The following C1QTNF9B variants were observed in gnomAD, a reference collection of about 807,000 sequenced individuals.
C1QTNF9B encodes the protein C1q and TNF related 9B.
Under a neutral mutation model 10.1 loss-of-function variants are expected in C1QTNF9B, and 9 were observed. That is an observed-to-expected ratio of 0.89 (90% confidence interval 0.53 to 1.55). The LOEUF is 1.55. C1QTNF9B is among the 40% of genes most tolerant of loss of function. The pLI is 0.00. For synonymous variants in C1QTNF9B, 79 were observed against 159.9 expected (o/e 0.49, Z 3.82); for missense variants, 196 against 414.4 (o/e 0.47, Z 4.58).
chr13:23,894,322 C>T (rs1872122201), intron 1 of C1QTNF9B, 121 bp from the exon 4 acceptor site: 1 of 938,736 alleles, frequency 1.1e-6, no homozygotes, highest in Admixed American at 2.0e-5. Flanking sequence ...GACGGGCACT[C>T]TGTCCTCCAC....
chr13:23,892,518 G>A (rs1872045977), intron 2 of C1QTNF9B, among the ~76,000 whole-genome samples: 1 of 152,186 alleles, frequency 6.6e-6, no homozygotes, highest in Non-Finnish European at 1.5e-5. Context: ...AACCAGGTGC[G>A]GTGGCACACA....
chr13:23,893,296 A>G (rs531403300), intron 2 of C1QTNF9B, among the ~76,000 whole-genome samples: 3 of 152,280 alleles, frequency 2.0e-5, no homozygotes, highest in African/African-American at 7.2e-5. Context: ...CCCATCAGGG[A>G]CCAGTTCTAG....
chr13:23,892,441 G>A (rs947797697), intron 2 of C1QTNF9B, among the ~76,000 whole-genome samples: 3 of 152,214 alleles, frequency 2.0e-5, no homozygotes, highest in African/African-American at 7.2e-5. Flanking sequence ...GACTACTTGA[G>A]TCCAGGAATT....
At chr13:23,892,947 C>T (rs1034784367) in intron 2 of C1QTNF9B, among the ~76,000 whole-genome samples, 16 of 152,160 alleles carry the variant, frequency 1.1e-4, no homozygotes, top group African/African-American at 3.9e-4. Context: ...AAGCCTGCAT[C>T]GAGGCATTGC....
chr13:23,891,218 A>C lies in C1QTNF9B; in HGVS notation c.*71T>G, dbSNP rs192347799. ...AATAATTGGAGGAATTAATAAAGTA[A>C]AACCATCTGAATAAGTTCATCCCAA... On this transcript the variant is annotated 3_prime_UTR_variant, in exon 3 of 3. Transcript: ENST00000382137. 3.0e-3 allele frequency: 3,982 copies of C among 1,321,734 alleles called. 229 individuals are homozygous for C. The highest frequency in any genetic ancestry group is 3.8e-3 in the Non-Finnish European group (3,777 of 983,370). 81.9% of individuals were successfully genotyped at this position (1,321,734 alleles called of 1,614,324 possible).
chr13:23,893,421 A>G (rs1382039940), intron 2 of C1QTNF9B, among the ~76,000 whole-genome samples: 3 of 152,110 alleles, frequency 2.0e-5, no homozygotes, highest in African/African-American at 7.2e-5. Flanking sequence ...CACAGGCCAA[A>G]TTCAGCCTCC....
At position 23,893,937 on chromosome 13, in the gene C1QTNF9B, A is replaced by G. The variant is rs564618811; in HGVS notation, c.229+202T>C. Among the ~76,000 whole-genome samples the G allele has an allele frequency of 2.0e-5, 3 of 152,328 alleles. No homozygotes were observed. The South Asian group carries it at 6.2e-4, about 32-fold the overall frequency. On this transcript the variant is annotated intron_variant, in intron 2 of 2. Transcript: ENST00000382137. ...TACAAGGGGAAGTTGAGTAGTGGTG[A>G]CAGATCTGTGTGGAGTTGAGAATAT... is the stretch of plus-strand genomic sequence containing the variant.
chr13:23,894,718 A>G, intron 1 of C1QTNF9B: 1 of 443,426 alleles, frequency 2.3e-6, no homozygotes, highest in South Asian at 1.6e-5. Flanking sequence ...GGATCCCTCT[A>G]GTGCCTTACA....
chr13:23,896,892 C>T, exon 1 of C1QTNF9B: 1 of 1,614,026 alleles, frequency 6.2e-7, no homozygotes. Context: ...ACCGGGGTTC[C>T]CAGGGATTCC....
At chr13:23,897,093 A>G (rs9510930), upstream of C1QTNF9B, 526,670 of 1,492,924 alleles carry the variant, frequency 0.35, 83,290 homozygotes, top group East Asian at 0.48. Context: ...TGGGAAATGG[A>G]TGAGCTGTCC....
intron 2 of C1QTNF9B, among the ~76,000 whole-genome samples, chr13:23,893,576 G>C (rs562806334): frequency 2.0e-5 from 3 of 152,280 alleles, no homozygotes; most frequent in Middle Eastern, 6.8e-3. Context: ...AGGCTCAAGT[G>C]ATCCTCCCAT....
At chr13:23,894,551 TG>T (rs1278697206) in intron 1 of C1QTNF9B, 2 of 546,992 alleles carry the variant, frequency 3.7e-6, no homozygotes, top group African/African-American at 3.7e-5. Context: ...ACTTGGGACG[TG>T]GTCTGAATGT....
At chr13:23,894,837 C>T (rs1055166375) in intron 1 of C1QTNF9B, among the ~76,000 whole-genome samples, 12 of 152,190 alleles carry the variant, frequency 7.9e-5, no homozygotes, top group African/African-American at 2.7e-4. Flanking sequence ...AGCTCCAGGT[C>T]GGCGTGCTAT....
chr13:23,895,146 C>G (rs1463710991), intron 1 of C1QTNF9B, among the ~76,000 whole-genome samples: 2 of 152,016 alleles, frequency 1.3e-5, no homozygotes, highest in East Asian at 3.9e-4. Context: ...ATTTGCCCCT[C>G]CCTGCGCTCC....
intron 1 of C1QTNF9B, 148 bp downstream of exon 3, chr13:23,896,673 A>T: frequency 1.8e-6 from 2 of 1,089,948 alleles, no homozygotes; most frequent in East Asian, 5.1e-5. Flanking sequence ...TGGATGGATG[A>T]ATGGGGTCAG....
At chr13:23,892,661 AT>A (rs1338748046) in intron 2 of C1QTNF9B, among the ~76,000 whole-genome samples, 1 of 152,222 alleles carries the variant, frequency 6.6e-6, no homozygotes, top group Non-Finnish European at 1.5e-5. Context: ...TCTCAAAAAA[AT>A]AAATAAAAGT....
At chr13:23,896,887 G>T in exon 1 of C1QTNF9B, 1 of 1,614,070 alleles carries the variant, frequency 6.2e-7, no homozygotes, top group Non-Finnish European at 8.5e-7. Context: ...TTGTGACCGG[G>T]GTTCCCAGGG....
chr13:23,896,994 A>G, exon 1 of C1QTNF9B: 1 of 1,613,876 alleles, frequency 6.2e-7, no homozygotes, highest in Non-Finnish European at 8.5e-7. Flanking sequence ...CATGGTTCAG[A>G]TGACAGACTG....
chr13:23,892,693 G>A (rs1193036876), intron 2 of C1QTNF9B, among the ~76,000 whole-genome samples: 3 of 151,956 alleles, frequency 2.0e-5, no homozygotes, highest in African/African-American at 4.8e-5. Flanking sequence ...AATTACACAC[G>A]TGTGTGCACA....
Sources: allele counts gnomAD v4.1 joint callset (sites outside exome capture counted in the v4.1 genomes callset), GRCh38; gene constraint gnomAD v4.1.1; transcripts MANE v1.5; gene names NCBI Gene and HGNC (gene_info 2026-07-23, HGNC 2026-07-21).